The following NLGN1 variants were observed in gnomAD, a reference collection of about 807,000 sequenced individuals.
NLGN1 encodes neuroligin-1.
NLGN1 carries 12 observed loss-of-function variants against 65.5 expected under a neutral mutation model. The ratio of observed to expected loss-of-function variants is 0.18; its 90% CI spans 0.12 to 0.30. NLGN1 has a LOEUF of 0.30. Among genes scored for constraint, NLGN1 ranks in the 10% least tolerant of loss-of-function variants. The probability of loss-of-function intolerance (pLI) is 1.00; values close to 1 mark genes in which losing one functional copy is unlikely to be tolerated. For missense variants in NLGN1, 750 were observed against 1,007.1 expected (o/e 0.74, Z 3.46); for synonymous variants, 350 against 359.5 (o/e 0.97, Z 0.30).
chr3:173,773,052 C>T (rs1448225779), intron 3 of NLGN1, among the ~76,000 whole-genome samples: 1 of 152,138 alleles, frequency 6.6e-6, no homozygotes, highest in Non-Finnish European at 1.5e-5. Context: ...GACATATTCA[C>T]TTTTGGTTCT....
At chr3:174,169,808 G>C (rs1049345455) in intron 4 of NLGN1, among the ~76,000 whole-genome samples, 6 of 152,096 alleles carry the variant, frequency 3.9e-5, no homozygotes, top group African/African-American at 1.4e-4. Context: ...GCTTACAATG[G>C]GGGAGAGCAC....
At chr3:173,408,536 G>T (rs1054513122) in intron 1 of NLGN1, among the ~76,000 whole-genome samples, 1 of 152,158 alleles carries the variant, frequency 6.6e-6, no homozygotes, top group Non-Finnish European at 1.5e-5. Flanking sequence ...CCAGCACCTG[G>T]AGATTAGGGA....
intron 4 of NLGN1, among the ~76,000 whole-genome samples, chr3:174,076,759 G>GTT: frequency 6.8e-6 from 1 of 147,958 alleles, no homozygotes; most frequent in African/African-American, 2.5e-5. Flanking sequence ...GTGTGTGTGT[G>GTT]TGTTTATCCT....
chr3:174,120,075 A>G (rs1211962085), intron 4 of NLGN1, among the ~76,000 whole-genome samples: 2 of 152,246 alleles, frequency 1.3e-5, no homozygotes, highest in South Asian at 2.1e-4. Context: ...AAACATCCAA[A>G]TATCACAAAA....
intron 3 of NLGN1, among the ~76,000 whole-genome samples, chr3:173,759,001 T>C (rs1777553077): frequency 6.6e-6 from 1 of 151,944 alleles, no homozygotes; most frequent in African/African-American, 2.4e-5. Flanking sequence ...ATTTTGCACT[T>C]AGGTACTTGC....
At chr3:174,185,857 C>A (rs1731300081) in intron 4 of NLGN1, among the ~76,000 whole-genome samples, 1 of 151,786 alleles carries the variant, frequency 6.6e-6, no homozygotes, top group African/African-American at 2.4e-5. Context: ...ACTCTATCTT[C>A]TTTATATGTT....
At chr3:173,536,619 T>C (rs1156403555) in intron 2 of NLGN1, among the ~76,000 whole-genome samples, 1 of 152,214 alleles carries the variant, frequency 6.6e-6, no homozygotes, top group Non-Finnish European at 1.5e-5. Context: ...ATGTAATTCC[T>C]ACTTTATCTT....
chr3:173,490,365 G>T (rs982396754), intron 2 of NLGN1, among the ~76,000 whole-genome samples: 1 of 152,052 alleles, frequency 6.6e-6, no homozygotes, highest in African/African-American at 2.4e-5. Flanking sequence ...TTTCCCCATT[G>T]CTTGTTTTTC....
intron 4 of NLGN1, among the ~76,000 whole-genome samples, chr3:174,082,422 T>C (rs927354376): frequency 2.6e-5 from 4 of 152,214 alleles, no homozygotes; most frequent in South Asian, 2.1e-4. Flanking sequence ...ACACTAGCTT[T>C]AGCAATCATT....
At chr3:173,430,287 T>C (rs949548593) in intron 1 of NLGN1, among the ~76,000 whole-genome samples, 2 of 152,284 alleles carry the variant, frequency 1.3e-5, no homozygotes, top group Admixed American at 1.3e-4. Flanking sequence ...GGGATGTCCC[T>C]GGTGATAATC....
At chr3:174,281,428 T>C (rs1224242581) in exon 7 of NLGN1, 1 of 664,336 alleles carries the variant, frequency 1.5e-6, no homozygotes, top group African/African-American at 1.8e-5. Context: ...AATATACATA[T>C]CAAGAACTTT....
chr3:173,887,798 C>T (rs1330547679), intron 4 of NLGN1, among the ~76,000 whole-genome samples: 1 of 151,862 alleles, frequency 6.6e-6, no homozygotes, highest in Non-Finnish European at 1.5e-5. Flanking sequence ...ATTTTAATAA[C>T]TGGTTTTTAA....
intron 2 of NLGN1, among the ~76,000 whole-genome samples, chr3:173,599,269 T>C (rs1750039816): frequency 6.6e-6 from 1 of 152,154 alleles, no homozygotes; most frequent in South Asian, 2.1e-4. Context: ...AAACAGTTTA[T>C]ATACATTGGA....
intron 3 of NLGN1, among the ~76,000 whole-genome samples, chr3:173,611,285 C>A (rs1205228623): frequency 6.6e-6 from 1 of 151,950 alleles, no homozygotes; most frequent in East Asian, 1.9e-4. Context: ...CGTCACTTTC[C>A]AGATGTAGAA....
At chr3:173,809,255 A>T (rs946469893) in intron 4 of NLGN1, among the ~76,000 whole-genome samples, 1 of 152,194 alleles carries the variant, frequency 6.6e-6, no homozygotes, top group Non-Finnish European at 1.5e-5. Context: ...TATTTAAGAC[A>T]TATAAATAAT....
chr3:174,171,633 T>A (rs1471849720), intron 4 of NLGN1, among the ~76,000 whole-genome samples: 1 of 152,190 alleles, frequency 6.6e-6, no homozygotes, highest in African/African-American at 2.4e-5. Flanking sequence ...TAAAATGAAT[T>A]CATAAGCATT....
intron 4 of NLGN1, among the ~76,000 whole-genome samples, chr3:174,086,459 A>T (rs955782650): frequency 4.0e-5 from 6 of 151,452 alleles, no homozygotes; most frequent in African/African-American, 1.5e-4. Flanking sequence ...GAAAGAAATC[A>T]CATATGTAAA....
At chr3:173,785,488 A>G (rs1396550591) in intron 3 of NLGN1, among the ~76,000 whole-genome samples, 3 of 152,142 alleles carry the variant, frequency 2.0e-5, no homozygotes, top group Non-Finnish European at 4.4e-5. Context: ...ATTGTACAAG[A>G]TAGTAGGGTG....
At chr3:173,997,540 T>C (rs993922504) in intron 4 of NLGN1, among the ~76,000 whole-genome samples, 13 of 152,184 alleles carry the variant, frequency 8.5e-5, no homozygotes, top group African/African-American at 3.1e-4. Context: ...TAAAGCTCTT[T>C]ATCAAATTGA....
Sources: gnomAD v4.1 joint callset for allele counts (sites outside exome capture counted in the v4.1 genomes callset) on GRCh38, gnomAD v4.1.1 for gene constraint, MANE v1.5 for transcripts, NCBI Gene and HGNC (gene_info 2026-07-23, HGNC 2026-07-21) for gene names.